CDK5RAP2: variants seen among roughly 807,000 people sequenced by gnomAD.
CDK5RAP2 encodes the protein CDK5 regulatory subunit-associated protein 2.
A neutral mutation model predicts 232.9 loss-of-function variants in CDK5RAP2; 147 were observed. The ratio of observed to expected loss-of-function variants is 0.63; its 90% CI spans 0.55 to 0.72. The LOEUF (loss-of-function observed/expected upper bound fraction) is 0.72. Among genes scored for constraint, CDK5RAP2 ranks in the 30% least tolerant of loss-of-function variants. The pLI is 0.00. For synonymous variants in CDK5RAP2, 833 were observed against 833.7 expected, an observed-to-expected ratio of 1.00 and a Z score of 0.01; for missense variants, 2,195 against 2,231.5, an observed-to-expected ratio of 0.98 and a Z score of 0.33.
intron 16 of CDK5RAP2, among the ~76,000 whole-genome samples, chr9:120,470,712 C>G (rs1295114167): frequency 6.7e-6 from 1 of 149,938 alleles, no homozygotes; most frequent in East Asian, 2.0e-4. Context: ...CAGAAAGTGC[C>G]TGCTAGTGCT....
chr9:120,439,990 TTA>T lies in CDK5RAP2; in HGVS notation c.3149-20_3149-19del. 6.2e-7 allele frequency: 1 copy of T among 1,603,992 alleles called. No individual in the cohort carries two copies. Among genetic ancestry groups the T allele is most frequent in the East Asian group, 2.2e-5 (1 of 44,852 alleles). ...CTCAGAGTCTGAAAATCAAATACAC[TTA>T]TGTCAGTATCTCTTTTACTAAAATC... On this transcript the variant is annotated intron_variant, in intron 23 of 37. Coordinates refer to ENST00000349780, the MANE Select transcript of CDK5RAP2 (RefSeq NM_018249.6).
At chr9:120,477,971 G>A (rs2038107483) in intron 14 of CDK5RAP2, among the ~76,000 whole-genome samples, 1 of 152,222 alleles carries the variant, frequency 6.6e-6, no homozygotes, top group Admixed American at 6.5e-5. Flanking sequence ...GCCACTTACT[G>A]GAGGTATGAT....
In CDK5RAP2 at chr9:120,520,761, A is replaced by T. The variant is rs1211331197; in HGVS notation, c.1093-2116T>A. ...ATCATGTGATATCTCATATCTCATG[A>T]GATATATCTCAGATATCTCATGAGA... On this transcript the variant is annotated intron_variant, in intron 11 of 37. Transcript: ENST00000349780. 3.4e-4 allele frequency among the ~76,000 whole-genome samples: 41 copies of T among 120,106 alleles called. 3 individuals carry two copies. The East Asian group carries it at 9.2e-3, about 27-fold the overall frequency. 78.8% of individuals were successfully genotyped at this position (120,106 alleles called of 152,430 possible). A position where few individuals can be genotyped will look rare whatever the true frequency, so the allele number is the denominator to read the frequency against.
intron 24 of CDK5RAP2, among the ~76,000 whole-genome samples, chr9:120,437,890 T>A (rs2035677765): frequency 6.6e-6 from 1 of 152,144 alleles, no homozygotes; most frequent in African/African-American, 2.4e-5. Context: ...TCTCATGAAG[T>A]GTGATAAAGA....
intron 27 of CDK5RAP2, among the ~76,000 whole-genome samples, chr9:120,417,695 A>G (rs2034316083): frequency 6.6e-6 from 1 of 152,222 alleles, no homozygotes; most frequent in African/African-American, 2.4e-5. Context: ...ACACTATACT[A>G]GCCTTTACAA....
intron 3 of CDK5RAP2, among the ~76,000 whole-genome samples, chr9:120,560,624 CTT>C (rs1179629785): frequency 1.3e-5 from 2 of 151,280 alleles, no homozygotes; most frequent in Non-Finnish European, 2.9e-5. Context: ...GGTATTGTCT[CTT>C]TTTTTTTGAG....
intron 5 of CDK5RAP2, among the ~76,000 whole-genome samples, chr9:120,540,980 G>A (rs1588612402): frequency 6.6e-6 from 1 of 152,166 alleles, no homozygotes; most frequent in African/African-American, 2.4e-5. Context: ...CCCCACTCCC[G>A]GGGCTCATTT....
chr9:120,465,652 T>C (rs1028465171), intron 18 of CDK5RAP2, among the ~76,000 whole-genome samples: 2 of 152,162 alleles, frequency 1.3e-5, no homozygotes, highest in African/African-American at 2.4e-5. Context: ...CTATTGCATA[T>C]TTCTATCTGT....
chr9:120,485,976 C>T (rs2038578970), intron 14 of CDK5RAP2, among the ~76,000 whole-genome samples: 1 of 152,202 alleles, frequency 6.6e-6, no homozygotes, highest in South Asian at 2.1e-4. Context: ...GAAACAGCTC[C>T]AACTGTTCAG....
chr9:120,416,694 G>C (rs566604861), intron 27 of CDK5RAP2, among the ~76,000 whole-genome samples: 2 of 152,280 alleles, frequency 1.3e-5, no homozygotes, highest in East Asian at 1.9e-4. Flanking sequence ...TCCAGGGGTA[G>C]GTTTCTAGAA....
intron 14 of CDK5RAP2, 37 bp downstream of exon 14, chr9:120,487,257 C>A: frequency 6.2e-7 from 1 of 1,610,364 alleles, no homozygotes; most frequent in Non-Finnish European, 8.5e-7. Flanking sequence ...TGTATGAATC[C>A]ATTCGCATGT....
At chr9:120,501,792 C>T (rs2039587311) in intron 12 of CDK5RAP2, among the ~76,000 whole-genome samples, 1 of 152,188 alleles carries the variant, frequency 6.6e-6, no homozygotes, top group Non-Finnish European at 1.5e-5. Context: ...GAGCAGAATA[C>T]CCAGCTATGC....
chr9:120,524,299 C>A (rs974547472), intron 11 of CDK5RAP2, among the ~76,000 whole-genome samples: 2 of 152,194 alleles, frequency 1.3e-5, no homozygotes, highest in Non-Finnish European at 2.9e-5. Flanking sequence ...CTGCCACTTG[C>A]TAACTGTGTG....
At chr9:120,457,402 A>C (rs1237256719) in intron 20 of CDK5RAP2, among the ~76,000 whole-genome samples, 1 of 152,202 alleles carries the variant, frequency 6.6e-6, no homozygotes, top group Admixed American at 6.5e-5. Flanking sequence ...CTGAAGTAAA[A>C]TTTGGGACCC....
chr9:120,433,702 A>G (rs1204589033), intron 25 of CDK5RAP2, among the ~76,000 whole-genome samples: 1 of 152,232 alleles, frequency 6.6e-6, no homozygotes, highest in East Asian at 1.9e-4. Flanking sequence ...TTTAAATCAA[A>G]TAACCTATAT....
At chr9:120,502,875 C>T (rs1024939757) in intron 12 of CDK5RAP2, among the ~76,000 whole-genome samples, 5 of 152,182 alleles carry the variant, frequency 3.3e-5, no homozygotes, top group South Asian at 4.1e-4. Context: ...ATGGAAACCA[C>T]CATTTACTGA....
chr9:120,564,976 T>C (rs1429623094), intron 3 of CDK5RAP2, among the ~76,000 whole-genome samples: 1 of 152,202 alleles, frequency 6.6e-6, no homozygotes. Flanking sequence ...GCAACTGATT[T>C]ACCGACTTCC....
chr9:120,552,047 C>T (rs1262017475), intron 3 of CDK5RAP2, among the ~76,000 whole-genome samples: 1 of 151,818 alleles, frequency 6.6e-6, no homozygotes, highest in Non-Finnish European at 1.5e-5. Flanking sequence ...TGAACAGACA[C>T]TTCTCAAAAG....
rs751414273 is a variant in CDK5RAP2, at chr9:120,409,267, G to A, written c.4464C>T (p.Thr1488=). 9.9e-6 allele frequency: 16 copies of A among 1,612,830 alleles called. No homozygotes were observed. Among genetic ancestry groups the A allele is most frequent in the South Asian group, 6.6e-5 (6 of 90,936 alleles). The change falls in exon 30 of 38, where the codon ACC becomes ACT. Residue 1488 remains threonine, a synonymous_variant. Coordinates refer to ENST00000349780, the MANE Select transcript of CDK5RAP2 (RefSeq NM_018249.6). ...DKLRESLSRK[T]VSLEHLQREY... is the part of the protein sequence containing the mutation. ...CCCGCTGAAGGTGCTCCAGGCTCAC[G>A]GTCTTCCTGGAGAGGGACTCTCGTA...
Sources: gnomAD v4.1 joint callset for allele counts (sites outside exome capture counted in the v4.1 genomes callset) on GRCh38, gnomAD v4.1.1 for gene constraint, MANE v1.5 for transcripts, NCBI Gene and HGNC (gene_info 2026-07-23, HGNC 2026-07-21) for gene names.